The following TEX36 variants were observed in gnomAD, a reference collection of about 807,000 sequenced individuals.
TEX36 encodes testis-expressed protein 36.
In TEX36, 12 loss-of-function variants were observed where a neutral mutation model predicts 13.6. That is an observed-to-expected ratio of 0.88 (90% CI 0.56 to 1.43). TEX36 has a LOEUF of 1.43. TEX36 is among the 40% of genes most tolerant of loss of function. The pLI is 0.00. For missense variants in TEX36, 224 were observed against 228.3 expected, an observed-to-expected ratio of 0.98 and a Z score of 0.12; for synonymous variants, 93 against 83.0, an observed-to-expected ratio of 1.12 and a Z score of -0.65.
intron 3 of TEX36, among the ~76,000 whole-genome samples, chr10:125,580,975 G>A (rs1845875002): frequency 6.6e-6 from 1 of 152,142 alleles, no homozygotes; most frequent in Non-Finnish European, 1.5e-5. Context: ...CTTGCTGTCA[G>A]AGAGAGTGAA....
At chr10:125,605,616 T>A (rs1846206787) in intron 3 of TEX36, among the ~76,000 whole-genome samples, 1 of 151,244 alleles carries the variant, frequency 6.6e-6, no homozygotes, top group Non-Finnish European at 1.5e-5. Context: ...ATTTATTTAT[T>A]TTTGAGATGG....
rs573776440 is a variant in TEX36 at position 125,661,924 on chromosome 10, C to T, written c.105G>A (p.Thr35=). Residue 35 remains threonine, a synonymous_variant, in exon 2 of 4, where the codon ACG becomes ACA. Transcript: ENST00000368821. ...AGTGTGGACTCTGGGGCTCTTTTGA[C>T]GTAGCACTGGTGATGGATTCTGGTG... ...QKTPESITSA[T]SKEPQSPHLP... 7 of 1,552,302 alleles carry T rather than the reference C, an allele frequency of 4.5e-6. No individual in the cohort carries two copies. Among genetic ancestry groups the T allele is most frequent in the Non-Finnish European group, 4.4e-6 (5 of 1,147,112 alleles).
intron 3 of TEX36, among the ~76,000 whole-genome samples, chr10:125,579,310 A>C (rs931433191): frequency 6.6e-6 from 1 of 152,194 alleles, no homozygotes; most frequent in Non-Finnish European, 1.5e-5. Flanking sequence ...CTTCTTCACA[A>C]GGCAGCAGGA....
At position 125,667,824 on chromosome 10, in the gene TEX36, G is replaced by A. The variant is rs372355417; in HGVS notation, c.52-5847C>T. ...TTCTCGGCGTTAAGGGACTGCAGCCGCTTGGCAATGCTCCCAGTGGACTCA... is the reference window on the plus strand; with the variant it reads ...TTCTCGGCGTTAAGGGACTGCAGCCACTTGGCAATGCTCCCAGTGGACTCA... On this transcript the variant is annotated intron_variant, in intron 1 of 3. Transcript: ENST00000368821. 2.7e-4 allele frequency: 350 copies of A among 1,317,256 alleles called. 1 individual carries two copies. Among genetic ancestry groups the A allele is most frequent in the African/African-American group, 9.4e-4 (65 of 69,014 alleles). 81.6% of individuals were successfully genotyped at this position (1,317,256 alleles called of 1,614,324 possible). A position where few individuals can be genotyped will look rare whatever the true frequency, so the allele number is the denominator to read the frequency against.
chr10:125,601,184 T>G (rs1420110943), intron 3 of TEX36, among the ~76,000 whole-genome samples: 2 of 152,266 alleles, frequency 1.3e-5, no homozygotes, highest in East Asian at 3.8e-4. Flanking sequence ...TCATAACAGC[T>G]AATATTTATG....
intron 1 of TEX36, among the ~76,000 whole-genome samples, chr10:125,662,866 G>C (rs1005258246): frequency 3.3e-5 from 5 of 152,298 alleles, no homozygotes; most frequent in Non-Finnish European, 7.4e-5. Context: ...TTCCTGAAGG[G>C]GGGTGTGGCT....
chr10:125,585,771 C>A (rs1845939516), intron 3 of TEX36, among the ~76,000 whole-genome samples: 1 of 152,226 alleles, frequency 6.6e-6, no homozygotes, highest in Admixed American at 6.5e-5. Context: ...GACTTCGCAT[C>A]AAAATCCATA....
intron 3 of TEX36, among the ~76,000 whole-genome samples, chr10:125,613,240 CTTT>C (rs1846312679): frequency 2.9e-5 from 3 of 102,140 alleles, no homozygotes; most frequent in African/African-American, 8.3e-5. Context: ...TTTTTGACAT[CTTT>C]TATTTATTTA....
At chr10:125,676,001 T>C (rs939525131) in intron 1 of TEX36, among the ~76,000 whole-genome samples, 4 of 152,270 alleles carry the variant, frequency 2.6e-5, no homozygotes, top group Admixed American at 2.0e-4. Context: ...CTTTAATTTT[T>C]TTAAACTGCT....
chr10:125,578,619 G>T (rs1025399762), intron 3 of TEX36, among the ~76,000 whole-genome samples: 1 of 152,144 alleles, frequency 6.6e-6, no homozygotes, highest in Non-Finnish European at 1.5e-5. Context: ...GGGGTACCTT[G>T]TCGTCCCTCC....
Position 125,647,383 on chromosome 10 carries a change from G to C in TEX36, c.264+13638C>G, listed in dbSNP as rs550153110. On this transcript the variant is annotated intron_variant, in intron 3 of 3. Coordinates refer to the TEX36 transcript ENST00000526819. Reference sequence around the variant, plus strand: ...ACACCAAAGCAAGATGTTAACAGTAGGGGAAATTGTGGATATAAGCGGGAG... The same window carrying C: ...ACACCAAAGCAAGATGTTAACAGTACGGGAAATTGTGGATATAAGCGGGAG... Among the ~76,000 whole-genome samples, 8 of 152,306 alleles carry C rather than the reference G, an allele frequency of 5.3e-5. No individual in the cohort carries two copies. In the East Asian group the frequency reaches 1.5e-3, roughly 29 times the overall value.
At chr10:125,613,048 A>G (rs1440560602) in intron 3 of TEX36, among the ~76,000 whole-genome samples, 2 of 151,826 alleles carry the variant, frequency 1.3e-5, no homozygotes, top group Non-Finnish European at 2.9e-5. Context: ...CTGAAAGAAA[A>G]GTCCTGCCAC....
intron 3 of TEX36, among the ~76,000 whole-genome samples, chr10:125,622,900 C>T (rs980339330): frequency 2.0e-5 from 3 of 152,202 alleles, no homozygotes; most frequent in Non-Finnish European, 4.4e-5. Flanking sequence ...TCAATGGAAT[C>T]ATTGTTGCGT....
Position 125,661,699 on chromosome 10 carries a change from G to A in TEX36, c.183+147C>T, listed in dbSNP as rs1020997663. The A allele has an allele frequency of 1.0e-5, 10 of 1,001,880 alleles. No individual in the cohort carries two copies. In the African/African-American group the frequency reaches 1.1e-4, roughly 11 times the overall value. The allele number at this position is 1,001,880 out of a possible 1,614,324, so 62.1% of individuals were successfully genotyped here. On this transcript the variant is annotated intron_variant, in intron 2 of 3. Coordinates refer to ENST00000368821, the MANE Select transcript of TEX36 (RefSeq NM_001128202.3). The stretch of plus-strand genomic sequence containing the variant: ...CTGCCGCAGAGCACCAGGGTATGGG[G>A]TGGGGATACTACCAACCCTTAGGGG...
chr10:125,584,980 A>T (rs1384671861), intron 3 of TEX36, among the ~76,000 whole-genome samples: 1 of 152,236 alleles, frequency 6.6e-6, no homozygotes, highest in Non-Finnish European at 1.5e-5. Flanking sequence ...ACAATAGCTC[A>T]GATGAATGTC....
downstream of TEX36, among the ~76,000 whole-genome samples, chr10:125,655,157 G>A (rs1346902576): frequency 6.6e-6 from 1 of 152,142 alleles, no homozygotes; most frequent in African/African-American, 2.4e-5. Context: ...AAAGAAAGCT[G>A]TAGAAGGCCA....
chr10:125,602,420 T>A (rs1171651615), intron 3 of TEX36, among the ~76,000 whole-genome samples: 1 of 152,134 alleles, frequency 6.6e-6, no homozygotes, highest in Non-Finnish European at 1.5e-5. Context: ...CAGGGAGGAT[T>A]TCATTACTCC....
exon 4 of TEX36, chr10:125,576,677 C>G: frequency 6.6e-7 from 1 of 1,509,994 alleles, no homozygotes; most frequent in African/African-American, 1.4e-5. Flanking sequence ...AGGTCCTTTT[C>G]TTCCCAACTA....
chr10:125,671,044 G>C (rs929151262), intron 1 of TEX36, among the ~76,000 whole-genome samples: 1 of 151,970 alleles, frequency 6.6e-6, no homozygotes, highest in Admixed American at 6.6e-5. Flanking sequence ...CTGAGATTAT[G>C]GGGTTTTCTA....
Sources: gnomAD v4.1 joint callset for allele counts (sites outside exome capture counted in the v4.1 genomes callset) on GRCh38, gnomAD v4.1.1 for gene constraint, MANE v1.5 for transcripts, NCBI Gene and HGNC (gene_info 2026-07-23, HGNC 2026-07-21) for gene names.